The following RSL24D1 variants were observed in gnomAD, a reference collection of about 807,000 sequenced individuals.
The protein encoded by RSL24D1 is probable ribosome biogenesis protein RLP24.
In RSL24D1, 6 loss-of-function variants were observed where a neutral mutation model predicts 26.2. The ratio of observed to expected loss-of-function variants is 0.23; its 90% confidence interval spans 0.13 to 0.45. The LOEUF (loss-of-function observed/expected upper bound fraction) is 0.45, where lower values mean the gene tolerates loss of function less well. Among genes scored for constraint, RSL24D1 ranks in the 20% least tolerant of loss-of-function variants. The pLI is 0.99. For synonymous variants in RSL24D1, 61 were observed against 59.1 expected, an observed-to-expected ratio of 1.03 and a Z score of -0.15; for missense variants, 176 against 202.6, an observed-to-expected ratio of 0.87 and a Z score of 0.80.
chr15:55,196,368 A>C, intron 1 of RSL24D1: 1 of 458,564 alleles, frequency 2.2e-6, no homozygotes, highest in Non-Finnish European at 4.4e-6. Flanking sequence ...GTAACTTAAT[A>C]CATAACTCTA....
At chr15:55,195,163 T>G (rs180927518) in intron 1 of RSL24D1, 1 of 151,732 alleles carries the variant, frequency 6.6e-6, no homozygotes, top group Admixed American at 6.6e-5. Context: ...ACTTGATAAC[T>G]AGATACAAAA....
In RSL24D1 at chr15:55,185,333, C is replaced by G. The variant is rs746559738; in HGVS notation, c.332+29G>C. On this transcript the variant is annotated intron_variant, in intron 4 of 5. Transcript: ENST00000260443. ...TAAATATCTACTAGTAATTATTTTC[C>G]AAAAGTTACTCCATACAAATATTCA... The G allele has an allele frequency of 3.3e-6, 5 of 1,528,004 alleles. No homozygotes were observed. The East Asian group carries it at 1.2e-4, about 36-fold the overall frequency. 94.7% of individuals were successfully genotyped at this position (1,528,004 alleles called of 1,614,324 possible).
At position 55,181,158 on chromosome 15, in the gene RSL24D1, C is replaced by T. The variant is rs2140586927; in HGVS notation, c.*994G>A. 6.6e-6 allele frequency: 1 copy of T among 152,178 alleles called. No individual in the cohort carries two copies. Among genetic ancestry groups the T allele is most frequent in the Non-Finnish European group, 1.5e-5 (1 of 67,992 alleles). 9.4% of individuals were successfully genotyped at this position (152,178 alleles called of 1,614,324 possible). ...TATTTAACATACTTAAAACTGTAAACAATGTAAAAACACAAAACATTAAGT... is the reference window on the plus strand; with the variant it reads ...TATTTAACATACTTAAAACTGTAAATAATGTAAAAACACAAAACATTAAGT... On this transcript the variant is annotated 3_prime_UTR_variant, in exon 6 of 6. Transcript: ENST00000260443.
intron 3 of RSL24D1, among the ~76,000 whole-genome samples, chr15:55,190,063 C>T (rs1894275913): frequency 1.3e-5 from 2 of 152,204 alleles, no homozygotes; most frequent in Admixed American, 1.3e-4. Context: ...CCCTGGCCAA[C>T]ATGGCAAAAC....
chr15:55,194,466 T>C (rs535301929), intron 1 of RSL24D1: 2 of 152,310 alleles, frequency 1.3e-5, no homozygotes, highest in Admixed American at 6.5e-5. Context: ...GGATGGCTTA[T>C]GTGTCAGGCA....
chr15:55,190,881 A>T, intron 3 of RSL24D1, 94 bp downstream of exon 3: 1 of 799,740 alleles, frequency 1.3e-6, no homozygotes, highest in South Asian at 1.6e-5. Flanking sequence ...TAAATGGAAA[A>T]TTCAATATTT....
chr15:55,185,165 T>C (rs1263130043), intron 4 of RSL24D1, among the ~76,000 whole-genome samples, 197 bp downstream of exon 4: 3 of 152,204 alleles, frequency 2.0e-5, no homozygotes, highest in Non-Finnish European at 2.9e-5. Flanking sequence ...AAGCATTATG[T>C]CTTCAATACA....
intron 4 of RSL24D1, among the ~76,000 whole-genome samples, chr15:55,184,011 T>C (rs980537841): frequency 2.0e-5 from 3 of 152,192 alleles, no homozygotes; most frequent in Non-Finnish European, 2.9e-5. Flanking sequence ...TAAAAAACCA[T>C]TGGGTAATTA....
Position 55,196,913 on chromosome 15 carries a change from CCAAA to C in RSL24D1, c.-27_-24del, listed in dbSNP as rs1894367147. ...CATGTTGAACCCGCGTGTAACCCCA[CCAAA>C]CAAACGCCAAGCTTGAGAGGAAGTG... is the stretch of plus-strand genomic sequence containing the variant. On this transcript the variant is annotated 5_prime_UTR_variant, in exon 1 of 6. Transcript: ENST00000260443. The C allele has an allele frequency of 6.2e-7, 1 of 1,610,990 alleles. No individual in the cohort carries two copies. Among genetic ancestry groups the C allele is most frequent in the African/African-American group, 1.3e-5 (1 of 74,744 alleles).
intron 1 of RSL24D1, chr15:55,196,217 T>A (rs1894353976): frequency 2.4e-6 from 1 of 417,658 alleles, no homozygotes; most frequent in Non-Finnish European, 4.8e-6. Context: ...ATTTGCTCCG[T>A]TCTCTGCCTT....
In RSL24D1 at chr15:55,180,992, G is replaced by C. The variant is rs1894159817; in HGVS notation, c.*1160C>G. The C allele has an allele frequency of 6.6e-6, 1 of 151,940 alleles. No individual in the cohort carries two copies. Among genetic ancestry groups the C allele is most frequent in the Non-Finnish European group, 1.5e-5 (1 of 67,988 alleles). 9.4% of individuals were successfully genotyped at this position (151,940 alleles called of 1,614,324 possible). On this transcript the variant is annotated 3_prime_UTR_variant, in exon 6 of 6. Coordinates refer to ENST00000260443, the MANE Select transcript of RSL24D1 (RefSeq NM_016304.3). ...CAGGTCTCCTAACACTTGGTCCAGG[G>C]ACTGGTCTACAGCCTTAGTTTTACT...
Position 55,191,129 on chromosome 15 carries a change from C to T in RSL24D1, c.196-82G>A, listed in dbSNP as rs182895303. The T allele has an allele frequency of 3.4e-4, 316 of 939,796 alleles. 1 individual carries two copies. The African/African-American group carries it at 5.0e-3, about 15-fold the overall frequency. 58.2% of individuals were successfully genotyped at this position (939,796 alleles called of 1,614,324 possible). Reference sequence around the variant, plus strand: ...CATTTCTTAAAACGTCTTCCTTTTCCTAAGTGTTCTAAATGAACATACACC... The same window carrying T: ...CATTTCTTAAAACGTCTTCCTTTTCTTAAGTGTTCTAAATGAACATACACC... On this transcript the variant is annotated intron_variant, in intron 2 of 5. Coordinates refer to ENST00000260443, the MANE Select transcript of RSL24D1 (RefSeq NM_016304.3).
At position 55,183,356 on chromosome 15, in the gene RSL24D1, T is replaced by A. The variant is rs746905564; in HGVS notation, c.377A>T (p.Glu126Val). Residue 126 changes from glutamate to valine, a missense_variant, in exon 5 of 6, where the codon GAA (glutamate) becomes GTA (valine). Transcript: ENST00000260443. ...KELQKVQDIK[E>V]VKQNIHLIRA... ...GATAAGATGGATGTTTTGCTTGACT[T>A]CTTTGATATCCTGAACTTTCTGTAG... 1 of 1,611,902 alleles carries A rather than the reference T, an allele frequency of 6.2e-7. No individual in the cohort carries two copies. The highest frequency in any genetic ancestry group is 8.5e-7 in the Non-Finnish European group (1 of 1,179,650).
At chr15:55,187,225 A>C (rs1327403964) in intron 3 of RSL24D1, among the ~76,000 whole-genome samples, 1 of 152,200 alleles carries the variant, frequency 6.6e-6, no homozygotes, top group Non-Finnish European at 1.5e-5. Context: ...TCAACTATAA[A>C]TCTGCATATG....
chr15:55,188,948 T>A (rs1894253856), intron 3 of RSL24D1, among the ~76,000 whole-genome samples: 1 of 152,142 alleles, frequency 6.6e-6, no homozygotes, highest in South Asian at 2.1e-4. Context: ...TCCCAGCACT[T>A]TGGGAGGCCA....
At chr15:55,183,533 C>T in intron 4 of RSL24D1, 133 bp from the exon 5 acceptor site, 1 of 643,332 alleles carries the variant, frequency 1.6e-6, no homozygotes, top group Non-Finnish European at 2.8e-6. Context: ...ATGATGGCTG[C>T]CCTTCTGTTC....
At chr15:55,196,690 G>C in intron 1 of RSL24D1, 120 bp downstream of exon 1, 2 of 906,704 alleles carry the variant, frequency 2.2e-6, no homozygotes, top group Non-Finnish European at 3.5e-6. Context: ...ACCCTCCCAG[G>C]GGAACAACGG....
At chr15:55,188,250 T>C (rs1894245082) in intron 3 of RSL24D1, among the ~76,000 whole-genome samples, 1 of 152,222 alleles carries the variant, frequency 6.6e-6, no homozygotes, top group Non-Finnish European at 1.5e-5. Context: ...AAAACAACTT[T>C]TCTTAATTGT....
At chr15:55,186,746 A>G (rs138993456) in intron 3 of RSL24D1, among the ~76,000 whole-genome samples, 201 of 152,310 alleles carry the variant, frequency 1.3e-3, no homozygotes, top group Non-Finnish European at 2.3e-3. Context: ...AGATTAGGTA[A>G]TAATAGTCTA....
Sources: allele counts gnomAD v4.1 joint callset (sites outside exome capture counted in the v4.1 genomes callset), GRCh38; gene constraint gnomAD v4.1.1; transcripts MANE v1.5; gene names NCBI Gene and HGNC (gene_info 2026-07-23, HGNC 2026-07-21).